Variants in DOCK9 observed in about 807,000 individuals in gnomAD.
DOCK9 encodes dedicator of cytokinesis 9.
DOCK9 carries 89 observed loss-of-function variants against 263.3 expected under a neutral mutation model. That is an observed-to-expected ratio of 0.34 (90% CI 0.28 to 0.40). The LOEUF is 0.40. Among genes scored for constraint, DOCK9 ranks in the 10% least tolerant of loss-of-function variants. The pLI is 1.00. For synonymous variants in DOCK9, 976 were observed against 973.1 expected, an observed-to-expected ratio of 1.00 and a Z score of -0.06; for missense variants, 2,140 against 2,603.4, an observed-to-expected ratio of 0.82 and a Z score of 3.87.
intron 27 of DOCK9, among the ~76,000 whole-genome samples, chr13:98,876,240 C>G (rs2043826803): frequency 6.6e-6 from 1 of 152,190 alleles, no homozygotes; most frequent in South Asian, 2.1e-4. Context: ...GCCTGTAATC[C>G]CAGCACTTTA....
intron 15 of DOCK9, among the ~76,000 whole-genome samples, chr13:98,895,257 T>C (rs992393399): frequency 2.0e-5 from 3 of 152,046 alleles, no homozygotes; most frequent in African/African-American, 7.3e-5. Context: ...AAAATGTATA[T>C]ATAACACTTT....
chr13:98,810,090 C>T (rs2091160199), intron 46 of DOCK9, 79 bp downstream of exon 46: 1 of 1,582,666 alleles, frequency 6.3e-7, no homozygotes, highest in Admixed American at 1.7e-5. Flanking sequence ...TGCTTCCTCT[C>T]TCACATATAT....
chr13:99,011,399 C>A (rs1884452063), intron 1 of DOCK9, among the ~76,000 whole-genome samples: 1 of 152,108 alleles, frequency 6.6e-6, no homozygotes, highest in Admixed American at 6.5e-5. Context: ...AGAATTTGGT[C>A]ATATGTTTGG....
At chr13:98,933,702 T>C (rs965401881) in intron 2 of DOCK9, among the ~76,000 whole-genome samples, 1 of 152,242 alleles carries the variant, frequency 6.6e-6, no homozygotes, top group African/African-American at 2.4e-5. Flanking sequence ...CACTATTTGA[T>C]CTCTTTCAGA....
At chr13:99,067,163 T>A (rs965948218) in intron 1 of DOCK9, among the ~76,000 whole-genome samples, 1 of 152,136 alleles carries the variant, frequency 6.6e-6, no homozygotes, top group African/African-American at 2.4e-5. Context: ...CCATCTGTGT[T>A]CCTTTGTCCA....
intron 2 of DOCK9, among the ~76,000 whole-genome samples, chr13:98,940,916 TGCCTCA>T (rs931012129): frequency 3.9e-5 from 6 of 152,338 alleles, no homozygotes; most frequent in Non-Finnish European, 8.8e-5. Context: ...GATAGCATCA[TGCCTCA>T]GCTGAAATTC....
intron 9 of DOCK9, among the ~76,000 whole-genome samples, chr13:98,912,206 G>A (rs1246442117): frequency 6.6e-6 from 1 of 152,110 alleles, no homozygotes; most frequent in African/African-American, 2.4e-5. Context: ...CACATGTTTA[G>A]CTAAATAAGC....
chr13:99,004,834 T>TCA (rs1883027882), intron 1 of DOCK9, among the ~76,000 whole-genome samples: 1 of 149,828 alleles, frequency 6.7e-6, no homozygotes, highest in East Asian at 2.0e-4. Context: ...CACATGTACT[T>TCA]CACACACACA....
intron 13 of DOCK9, 55 bp from the exon 14 acceptor site, chr13:98,898,316 G>A: frequency 7.2e-7 from 1 of 1,380,614 alleles, no homozygotes; most frequent in Non-Finnish European, 1.0e-6. Flanking sequence ...AAAGAACTGT[G>A]ACCTCAAGAG....
At chr13:99,000,378 CTGA>C (rs1485749282) in intron 1 of DOCK9, among the ~76,000 whole-genome samples, 2 of 152,184 alleles carry the variant, frequency 1.3e-5, no homozygotes, top group Non-Finnish European at 2.9e-5. Context: ...ATGCAATCTG[CTGA>C]TGTTTTCAGC....
At chr13:99,059,848 T>C (rs1038847797) in intron 1 of DOCK9, among the ~76,000 whole-genome samples, 1 of 152,152 alleles carries the variant, frequency 6.6e-6, no homozygotes, top group African/African-American at 2.4e-5. Context: ...CAACCACTCA[T>C]CTACTTTCTG....
At chr13:98,881,772 G>C in intron 24 of DOCK9, 120 bp downstream of exon 24, 1 of 1,244,662 alleles carries the variant, frequency 8.0e-7, no homozygotes, top group Non-Finnish European at 1.1e-6. Flanking sequence ...CTTACACATG[G>C]GATCAAAGAC....
chr13:98,968,563 T>G (rs926472126), intron 1 of DOCK9, among the ~76,000 whole-genome samples: 4 of 152,138 alleles, frequency 2.6e-5, no homozygotes, highest in African/African-American at 9.7e-5. Context: ...GGGGTTGCAG[T>G]GAGCCGAGAT....
Position 98,829,468 on chromosome 13 carries a change from G to A in DOCK9, c.4804C>T (p.Leu1602=). The A allele has an allele frequency of 6.2e-7, 1 of 1,613,938 alleles. No individual in the cohort carries two copies. Among genetic ancestry groups the A allele is most frequent in the Non-Finnish European group, 8.5e-7 (1 of 1,179,884 alleles). ...KDLTKRIRTV[L]MATAQMKEHE... ...TCCTTCATCTGGGCGGTGGCCATTA[G>A]CACCGTGCGTATCCTTTTGGTTAAG... Residue 1602 remains leucine, a synonymous_variant, in exon 43 of 53, where the codon CTA becomes TTA. Transcript: ENST00000682017. This position sits in a 1 kb window ranked among gnomAD's most constrained non-coding sequence, Gnocchi z 4.1.
chr13:99,001,798 G>T (rs191599847), intron 1 of DOCK9, among the ~76,000 whole-genome samples: 4 of 152,320 alleles, frequency 2.6e-5, no homozygotes, highest in Admixed American at 6.5e-5. Flanking sequence ...TCCCTTGCAG[G>T]GGCTCCCCCT....
Position 98,921,068 on chromosome 13 carries a change from G to T in DOCK9, c.603C>A (p.Phe201Leu). ...ATCCATCGCCAAGTTGAATCAGGTGGAAAAATCGTCTCTTAAATGACTGAG... is the reference window on the plus strand; with the variant it reads ...ATCCATCGCCAAGTTGAATCAGGTGTAAAAATCGTCTCTTAAATGACTGAG... The part of the protein sequence containing the change: ...VTMRSFKRRF[F>L]HLIQLGDGSY... The change falls in exon 7 of 53, where the codon TTC becomes TTA. Residue 201 changes from phenylalanine (F) to leucine (L), a missense_variant. By Grantham distance (22) the Phe-to-Leu change is conservative. Coordinates refer to ENST00000682017, the MANE Select transcript of DOCK9 (RefSeq NM_001366683.2). 3 of 1,601,164 alleles carry T rather than the reference G, an allele frequency of 1.9e-6. No homozygotes were observed. The highest frequency in any genetic ancestry group is 2.6e-6 in the Non-Finnish European group (3 of 1,173,474).
Position 98,877,020 on chromosome 13 carries a change from C to T in DOCK9, c.2943+2878G>A, listed in dbSNP as rs151134022. On this transcript the variant is annotated intron_variant, in intron 27 of 52. Coordinates refer to ENST00000682017, the MANE Select transcript of DOCK9 (RefSeq NM_001366683.2). ...TTAGGGTCAAAATATAATTAACTTA[C>T]AGAAAAGGTTGTGCATGGTAGCATT... 4.1e-3 allele frequency among the ~76,000 whole-genome samples: 620 copies of T among 152,310 alleles called. 5 individuals carry two copies. The highest frequency in any genetic ancestry group is 0.014 in the African/African-American group (586 of 41,564).
intron 30 of DOCK9, among the ~76,000 whole-genome samples, chr13:98,864,730 G>C (rs963602959): frequency 2.6e-5 from 4 of 152,284 alleles, no homozygotes; most frequent in African/African-American, 9.6e-5. Context: ...TGTCCCCTCT[G>C]AATCTCATGT....
chr13:98,998,217 A>G (rs1398707455), intron 1 of DOCK9, among the ~76,000 whole-genome samples: 1 of 152,162 alleles, frequency 6.6e-6, no homozygotes, highest in East Asian at 1.9e-4. Flanking sequence ...GAGAAGCCAG[A>G]CAGGGCAGCA....
Sources: gnomAD v4.1 joint callset for allele counts (sites outside exome capture counted in the v4.1 genomes callset) on GRCh38, gnomAD v4.1.1 for gene constraint, Gnocchi (gnomAD v3.1) non-coding constraint, MANE v1.5 for transcripts, NCBI Gene and HGNC (gene_info 2026-07-23, HGNC 2026-07-21) for gene names.